FBXL13: variants seen among roughly 807,000 people sequenced by gnomAD.
FBXL13 encodes the protein F-box and leucine-rich repeat protein 13.
FBXL13 carries 67 observed loss-of-function variants against 83.6 expected under a neutral mutation model. The ratio of observed to expected loss-of-function variants is 0.80; its 90% CI spans 0.66 to 0.98. The LOEUF (loss-of-function observed/expected upper bound fraction) is 0.98, where lower values mean the gene tolerates loss of function less well. Ranked by LOEUF, FBXL13 falls within the 50% of genes least tolerant of loss-of-function variation. The pLI is 0.00. For missense variants in FBXL13, 822 were observed against 866.5 expected, an observed-to-expected ratio of 0.95 and a Z score of 0.64; for synonymous variants, 272 against 299.5, an observed-to-expected ratio of 0.91 and a Z score of 0.95.
chr7:102,926,687 G>A (rs897104388), intron 9 of FBXL13, among the ~76,000 whole-genome samples: 3 of 152,144 alleles, frequency 2.0e-5, no homozygotes, highest in African/African-American at 7.2e-5. Flanking sequence ...ACATGTCAAA[G>A]TGCCAAACAC....
chr7:102,922,754 C>T (rs1446460012), intron 10 of FBXL13, among the ~76,000 whole-genome samples: 1 of 151,848 alleles, frequency 6.6e-6, no homozygotes, highest in Non-Finnish European at 1.5e-5. Context: ...GGGCGGATCA[C>T]GAGGTCAGGA....
chr7:102,868,341 A>G (rs1448129519), intron 16 of FBXL13, among the ~76,000 whole-genome samples: 1 of 152,022 alleles, frequency 6.6e-6, no homozygotes, highest in Non-Finnish European at 1.5e-5. Flanking sequence ...TCTGGTAGCC[A>G]TTATTCTCCT....
At chr7:102,976,145 C>T (rs181631726) in intron 6 of FBXL13, 856 of 766,442 alleles carry the variant, frequency 1.1e-3, no homozygotes, top group Admixed American at 2.5e-3. Context: ...TCAGCCTTGC[C>T]GCTGAAGACT....
At chr7:102,855,212 T>A (rs1805856438) in intron 16 of FBXL13, among the ~76,000 whole-genome samples, 1 of 152,210 alleles carries the variant, frequency 6.6e-6, no homozygotes, top group African/African-American at 2.4e-5. Flanking sequence ...AGATACTTCA[T>A]GTGGATAAAG....
chr7:102,845,216 G>A (rs562473662), intron 17 of FBXL13, among the ~76,000 whole-genome samples: 31 of 152,210 alleles, frequency 2.0e-4, no homozygotes, highest in African/African-American at 7.2e-4. Context: ...CCTTTCTCAT[G>A]ACCAGCCCCC....
intron 2 of FBXL13, among the ~76,000 whole-genome samples, chr7:103,045,320 G>C (rs941735326): frequency 6.6e-6 from 1 of 152,176 alleles, no homozygotes; most frequent in African/African-American, 2.4e-5. Flanking sequence ...TATTAAGCTA[G>C]GTTGCAGTTC....
chr7:103,067,392 T>C lies in FBXL13; in HGVS notation c.-105+6854A>G, dbSNP rs112939502. Among the ~76,000 whole-genome samples, 775 of 152,352 alleles carry C rather than the reference T, an allele frequency of 5.1e-3. 5 individuals carry two copies. The highest frequency in any genetic ancestry group is 8.8e-3 in the Non-Finnish European group (599 of 68,032). ...AAGCATGTCTGCAAATGATATTTCT[T>C]ACATAAAGAGGTGGGGTTTAATTCC... On this transcript the variant is annotated intron_variant, in intron 1 of 19. Coordinates refer to ENST00000313221, the Ensembl canonical transcript of FBXL13.
intron 11 of FBXL13, among the ~76,000 whole-genome samples, chr7:102,911,258 A>C (rs1814622169): frequency 6.6e-6 from 1 of 152,182 alleles, no homozygotes; most frequent in Non-Finnish European, 1.5e-5. Context: ...GAGAATATTT[A>C]TCCTTAGGAC....
chr7:103,040,095 T>G (rs190182020), intron 2 of FBXL13, among the ~76,000 whole-genome samples: 2 of 151,162 alleles, frequency 1.3e-5, no homozygotes, highest in African/African-American at 4.9e-5. Flanking sequence ...TGTGCAAAGA[T>G]GCACATAAGC....
At chr7:102,873,985 C>T (rs1808885143) in intron 16 of FBXL13, among the ~76,000 whole-genome samples, 1 of 152,202 alleles carries the variant, frequency 6.6e-6, no homozygotes, top group Non-Finnish European at 1.5e-5. Flanking sequence ...GAAGAGGAAT[C>T]ATGTCTGTTT....
At chr7:102,855,536 T>C (rs928492498) in intron 16 of FBXL13, among the ~76,000 whole-genome samples, 1 of 152,176 alleles carries the variant, frequency 6.6e-6, no homozygotes, top group Admixed American at 6.5e-5. Flanking sequence ...ATGTGGCTTA[T>C]TGATGCCATC....
chr7:103,046,474 T>C (rs1023177716), intron 2 of FBXL13, among the ~76,000 whole-genome samples: 5 of 152,170 alleles, frequency 3.3e-5, no homozygotes, highest in Non-Finnish European at 2.9e-5. Context: ...TAACCCATGA[T>C]GTGGGCTAAG....
intron 2 of FBXL13, among the ~76,000 whole-genome samples, chr7:103,039,179 A>G (rs1308223842): frequency 2.0e-5 from 3 of 152,258 alleles, no homozygotes; most frequent in Non-Finnish European, 4.4e-5. Context: ...ATGCATGCAT[A>G]AGCTTCAATA....
intron 17 of FBXL13, among the ~76,000 whole-genome samples, chr7:102,846,880 A>G (rs1439626834): frequency 2.0e-5 from 3 of 152,174 alleles, no homozygotes; most frequent in East Asian, 3.8e-4. Flanking sequence ...CACAGGCTCA[A>G]TGCTCACTGA....
chr7:103,058,038 T>A (rs1030006514), intron 1 of FBXL13, among the ~76,000 whole-genome samples: 4 of 152,116 alleles, frequency 2.6e-5, no homozygotes, highest in Non-Finnish European at 5.9e-5. Context: ...TGTCAGCAGA[T>A]CTAGGCCTGG....
chr7:102,933,442 T>C (rs1391688555), intron 8 of FBXL13: 1 of 152,554 alleles, frequency 6.6e-6, no homozygotes, highest in African/African-American at 2.4e-5. Context: ...CTAACATTTG[T>C]GACTACTTCC....
chr7:102,903,399 C>T (rs1358719691), intron 11 of FBXL13, among the ~76,000 whole-genome samples: 1 of 151,982 alleles, frequency 6.6e-6, no homozygotes, highest in Non-Finnish European at 1.5e-5. Flanking sequence ...TTTGGATGCT[C>T]TTTATATCTT....
chr7:102,843,855 G>A (rs1247552342), intron 17 of FBXL13, among the ~76,000 whole-genome samples: 2 of 152,136 alleles, frequency 1.3e-5, no homozygotes, highest in African/African-American at 2.4e-5. Context: ...CAAAAAAGAC[G>A]GGGCCTGAAG....
rs140327964 is a variant in FBXL13, at chr7:102,981,878, G to A, written c.496-13761C>T. On this transcript the variant is annotated intron_variant, in intron 6 of 19. Coordinates refer to ENST00000313221, the Ensembl canonical transcript of FBXL13. ...GCGGGACATAAACATTCAGTCTATA[G>A]CAACTATGTTTCCCAAATTCCATTA... Among the ~76,000 whole-genome samples, 627 of 152,248 alleles carry A rather than the reference G, an allele frequency of 4.1e-3. 5 individuals carry two copies. The highest frequency in any genetic ancestry group is 0.014 in the African/African-American group (602 of 41,530).
Sources: allele counts gnomAD v4.1 joint callset (sites outside exome capture counted in the v4.1 genomes callset), GRCh38; gene constraint gnomAD v4.1.1; transcripts MANE v1.5; gene names NCBI Gene and HGNC (gene_info 2026-07-23, HGNC 2026-07-21).